HIP1: variants seen among roughly 807,000 people sequenced by gnomAD.
The protein encoded by HIP1 is huntingtin-interacting protein 1.
Under a neutral mutation model 147.6 loss-of-function variants are expected in HIP1, and 65 were observed. That is an observed-to-expected ratio of 0.44 (90% CI 0.36 to 0.54). HIP1 has a LOEUF of 0.54. Ranked by LOEUF, HIP1 falls within the 20% of genes least tolerant of loss-of-function variation. The pLI, the probability that HIP1 is intolerant of heterozygous loss-of-function variation, is 0.00. For synonymous variants in HIP1, 479 were observed against 504.0 expected (o/e 0.95, Z 0.67); for missense variants, 1,061 against 1,299.6 (o/e 0.82, Z 2.82).
In HIP1 at chr7:75,649,900, A is replaced by G. The variant is rs1230361424; in HGVS notation, c.121-50653T>C. Among the ~76,000 whole-genome samples the G allele has an allele frequency of 2.6e-5, 4 of 151,970 alleles. No homozygotes were observed. The East Asian group carries it at 5.8e-4, about 22-fold the overall frequency. The stretch of plus-strand genomic sequence containing the variant: ...AACGCTTTGCCTCTGATATTAATAG[A>G]CCTGTTTTTCCTCCTGACACTGCTG... On this transcript the variant is annotated intron_variant, in intron 1 of 30. Coordinates refer to ENST00000336926, the MANE Select transcript of HIP1 (RefSeq NM_005338.7).
At chr7:75,707,566 T>C (rs1299918475) in intron 1 of HIP1, among the ~76,000 whole-genome samples, 4 of 150,580 alleles carry the variant, frequency 2.7e-5, no homozygotes, top group South Asian at 2.1e-4. Context: ...GCAAAAATTT[T>C]CTCCCATGTT....
At chr7:75,702,649 C>CT (rs1329070555) in intron 1 of HIP1, among the ~76,000 whole-genome samples, 2 of 152,188 alleles carry the variant, frequency 1.3e-5, no homozygotes, top group African/African-American at 4.8e-5. Flanking sequence ...CTCAGGCTTG[C>CT]TTCCGCTCAT....
intron 1 of HIP1, among the ~76,000 whole-genome samples, chr7:75,712,687 C>T (rs1554520208): frequency 6.6e-6 from 1 of 152,196 alleles, no homozygotes; most frequent in East Asian, 1.9e-4. Flanking sequence ...CATTCCTTCA[C>T]TCTCATTCAC....
At chr7:75,601,074 C>A (rs1179636) in intron 1 of HIP1, among the ~76,000 whole-genome samples, 94,148 of 151,884 alleles carry the variant, frequency 0.62, 31,557 homozygotes, top group African/African-American at 0.88. Flanking sequence ...TACCTTTAAA[C>A]TTTTAGGTGT....
chr7:75,595,089 A>G (rs782424989), intron 2 of HIP1, among the ~76,000 whole-genome samples: 4 of 152,180 alleles, frequency 2.6e-5, no homozygotes, highest in Non-Finnish European at 5.9e-5. Context: ...GGAAGATACC[A>G]TAAAGCTCCT....
rs1795095203 is a variant in HIP1, at chr7:75,558,330, C to T, written c.1376-75G>A. ...GCCTTCCTTGCAATGAGCCAGGGTCCCTAGAAGGTCCTCCTTGTTTTGTTT... is the reference window on the plus strand; with the variant it reads ...GCCTTCCTTGCAATGAGCCAGGGTCTCTAGAAGGTCCTCCTTGTTTTGTTT... On this transcript the variant is annotated intron_variant, in intron 14 of 30. Transcript: ENST00000336926. 3.7e-6 allele frequency: 4 copies of T among 1,084,034 alleles called. No homozygotes were observed. The African/African-American group carries it at 4.6e-5, about 13-fold the overall frequency. The allele number at this position is 1,084,034 out of a possible 1,614,324, so 67.2% of individuals were successfully genotyped here.
At chr7:75,541,700 A>C (rs2116729522) in intron 29 of HIP1, among the ~76,000 whole-genome samples, 1 of 142,876 alleles carries the variant, frequency 7.0e-6, no homozygotes, top group East Asian at 2.0e-4. Context: ...CGTCTCAAAA[A>C]AGAAAAAAAA....
At chr7:75,738,699 C>G in intron 1 of HIP1, 102 bp downstream of exon 1, 1 of 1,362,714 alleles carries the variant, frequency 7.3e-7, no homozygotes, top group Non-Finnish European at 1.0e-6. Flanking sequence ...CTCGCCCCGT[C>G]TTCAACTGGG....
chr7:75,625,838 A>T (rs1485819236), intron 1 of HIP1: 1 of 152,068 alleles, frequency 6.6e-6, no homozygotes, highest in Non-Finnish European at 1.5e-5. Flanking sequence ...TGAGAGGCTG[A>T]GGCAGGTGGA....
chr7:75,680,743 G>A (rs1463546077), intron 1 of HIP1, among the ~76,000 whole-genome samples: 1 of 151,904 alleles, frequency 6.6e-6, no homozygotes, highest in Non-Finnish European at 1.5e-5. Context: ...CCAAGTAGCT[G>A]GAATTACAGG....
intron 2 of HIP1, among the ~76,000 whole-genome samples, chr7:75,595,444 G>A (rs773322911): frequency 5.9e-4 from 89 of 151,730 alleles, no homozygotes; most frequent in East Asian, 5.8e-4. Context: ...CCAGGTTCAA[G>A]TGATTCTCGT....
At position 75,539,306 on chromosome 7, in the gene HIP1, C is replaced by A. The variant is rs782782718; in HGVS notation, c.3061+17G>T. ...CTCCCTGCTGCGGGTTAGTGCCCAT[C>A]CTTGGAGTCAGCTTACCTTCTTCCC... On this transcript the variant is annotated intron_variant, in intron 30 of 30. Transcript: ENST00000336926. 2 of 1,594,168 alleles carry A rather than the reference C, an allele frequency of 1.3e-6. No homozygotes were observed. The highest frequency in any genetic ancestry group is 3.3e-5 in the Admixed American group (2 of 59,992).
intron 1 of HIP1, among the ~76,000 whole-genome samples, chr7:75,718,314 A>G (rs781949808): frequency 1.3e-5 from 2 of 151,944 alleles, no homozygotes; most frequent in Admixed American, 6.6e-5. Flanking sequence ...GTATGATCAT[A>G]CTACTGCACT....
At chr7:75,571,845 A>G (rs1206997831) in intron 8 of HIP1, among the ~76,000 whole-genome samples, 1 of 152,104 alleles carries the variant, frequency 6.6e-6, no homozygotes, top group South Asian at 2.1e-4. Context: ...CAGCCTCCCA[A>G]AGTGATGGGA....
At chr7:75,616,080 T>C (rs1179608) in intron 1 of HIP1, among the ~76,000 whole-genome samples, 30,669 of 81,240 alleles carry the variant, frequency 0.38, 5,326 homozygotes, top group African/African-American at 0.53. Flanking sequence ...AGTAAGACTC[T>C]GTCTCAAAAA....
intron 1 of HIP1, among the ~76,000 whole-genome samples, chr7:75,700,678 G>A (rs539952731): frequency 7.4e-4 from 112 of 151,502 alleles, no homozygotes; most frequent in Middle Eastern, 3.5e-3. Flanking sequence ...GGACAGAAAC[G>A]TCTCCTGGGG....
Position 75,612,946 on chromosome 7 carries a change from A to G in HIP1, c.121-13699T>C, listed in dbSNP as rs587683274. ...TGGTGAAACTCCGTCTCTACTAAAA[A>G]TACAAAAATTAGCTGGGCATGGTGG... On this transcript the variant is annotated intron_variant, in intron 1 of 30. Coordinates refer to ENST00000336926, the MANE Select transcript of HIP1 (RefSeq NM_005338.7). Among the ~76,000 whole-genome samples, 12 of 152,220 alleles carry G rather than the reference A, an allele frequency of 7.9e-5. No homozygotes were observed. In the East Asian group the frequency reaches 2.1e-3, roughly 27 times the overall value.
chr7:75,622,785 G>C (rs1211681879), intron 1 of HIP1, among the ~76,000 whole-genome samples: 1 of 151,984 alleles, frequency 6.6e-6, no homozygotes, highest in African/African-American at 2.4e-5. Flanking sequence ...GGAGGCTGTA[G>C]TGAGCTATGA....
intron 1 of HIP1, among the ~76,000 whole-genome samples, chr7:75,677,343 C>T (rs186828705): frequency 7.3e-5 from 11 of 150,924 alleles, no homozygotes; most frequent in East Asian, 2.0e-4. Context: ...TGGTGGCTCA[C>T]GCCTGTAATC....
Sources: gnomAD v4.1 joint callset for allele counts (sites outside exome capture counted in the v4.1 genomes callset) on GRCh38, gnomAD v4.1.1 for gene constraint, MANE v1.5 for transcripts, NCBI Gene and HGNC (gene_info 2026-07-23, HGNC 2026-07-21) for gene names.